The following PDZRN3 variants were observed in gnomAD, a reference collection of about 807,000 sequenced individuals.
PDZRN3 encodes the protein E3 ubiquitin-protein ligase PDZRN3.
A neutral mutation model predicts 85.7 loss-of-function variants in PDZRN3; 38 were observed. The ratio of observed to expected loss-of-function variants is 0.44; its 90% CI spans 0.34 to 0.58. The LOEUF (loss-of-function observed/expected upper bound fraction) is 0.58. Among genes scored for constraint, PDZRN3 ranks in the 20% least tolerant of loss-of-function variants. The pLI, the probability that PDZRN3 is intolerant of heterozygous loss-of-function variation, is 0.01. For missense variants in PDZRN3, 1,629 were observed against 1,506.4 expected, an observed-to-expected ratio of 1.08 and a Z score of -1.35; for synonymous variants, 759 against 638.0, an observed-to-expected ratio of 1.19 and a Z score of -2.86.
chr3:73,569,565 C>G (rs941557664), intron 3 of PDZRN3: 1 of 1,051,396 alleles, frequency 9.5e-7, no homozygotes, highest in African/African-American at 1.7e-5. Flanking sequence ...CCCACACCCG[C>G]ACACACATTG....
At chr3:73,500,733 C>T (rs1220183865) in intron 3 of PDZRN3, among the ~76,000 whole-genome samples, 2 of 152,142 alleles carry the variant, frequency 1.3e-5, no homozygotes, top group Non-Finnish European at 2.9e-5. Context: ...CTTTAAACCA[C>T]CTAAAAATTT....
intron 3 of PDZRN3, among the ~76,000 whole-genome samples, chr3:73,440,322 C>T (rs1191267669): frequency 6.6e-6 from 1 of 152,178 alleles, no homozygotes; most frequent in Non-Finnish European, 1.5e-5. Context: ...GCTCCAAATC[C>T]CACGCAGGCC....
chr3:73,575,616 A>G (rs1702111953), intron 3 of PDZRN3, among the ~76,000 whole-genome samples: 1 of 152,242 alleles, frequency 6.6e-6, no homozygotes, highest in Admixed American at 6.5e-5. Context: ...TGTGAACTTT[A>G]TCCAAGAAAG....
chr3:73,443,096 C>G (rs1377000162), intron 3 of PDZRN3, among the ~76,000 whole-genome samples: 1 of 152,220 alleles, frequency 6.6e-6, no homozygotes, highest in African/African-American at 2.4e-5. Context: ...CAGTGGGTGT[C>G]AGTGTCATGG....
At chr3:73,611,512 A>G (rs977646704) in intron 1 of PDZRN3, among the ~76,000 whole-genome samples, 1 of 152,352 alleles carries the variant, frequency 6.6e-6, no homozygotes, top group South Asian at 2.1e-4. Flanking sequence ...GATCTAGTCT[A>G]CTGTCCACAA....
At chr3:73,497,858 G>A (rs575398518) in intron 3 of PDZRN3, among the ~76,000 whole-genome samples, 40 of 150,640 alleles carry the variant, frequency 2.7e-4, no homozygotes, top group African/African-American at 9.4e-4. Context: ...ACAGGGGCAC[G>A]ACTCGAACCT....
chr3:73,427,303 T>G (rs1702335675), intron 3 of PDZRN3, among the ~76,000 whole-genome samples: 1 of 152,216 alleles, frequency 6.6e-6, no homozygotes, highest in Non-Finnish European at 1.5e-5. Flanking sequence ...TGCCAGAAAC[T>G]GGCTTTGTGG....
chr3:73,558,637 C>A (rs777276634), intron 3 of PDZRN3, among the ~76,000 whole-genome samples: 10 of 152,194 alleles, frequency 6.6e-5, no homozygotes, highest in Non-Finnish European at 1.2e-4. Flanking sequence ...CCCAGAGGAC[C>A]TGATAAGGAA....
At chr3:73,540,429 CTG>C (rs1559729250) in intron 3 of PDZRN3, among the ~76,000 whole-genome samples, 2 of 152,114 alleles carry the variant, frequency 1.3e-5, no homozygotes, top group African/African-American at 4.8e-5. Flanking sequence ...TATAAAATGA[CTG>C]TTACGGTTTG....
At chr3:73,427,618 C>G (rs897517617) in intron 3 of PDZRN3, among the ~76,000 whole-genome samples, 5 of 152,244 alleles carry the variant, frequency 3.3e-5, no homozygotes, top group African/African-American at 1.2e-4. Context: ...CCCGTACCAT[C>G]TGCCTCATGG....
Position 73,384,004 on chromosome 3 carries a change from C to T in PDZRN3, c.2562G>A (p.Lys854=). ...DGSRSPTPSQ[K]LGSAYLPSYH... is the part of the protein sequence containing the mutation. ...AGGAGGGCAGGTAGGCGCTGCCCAG[C>T]TTCTGGCTGGGCGTGGGGCTCCGGC... The change falls in exon 10 of 10, where the codon AAG becomes AAA. Residue 854 remains lysine, a synonymous_variant. Transcript: ENST00000263666. The T allele has an allele frequency of 6.3e-7, 1 of 1,589,792 alleles. No individual in the cohort carries two copies.
Position 73,624,902 on chromosome 3 carries a change from C to A in PDZRN3, c.-77G>T, listed in dbSNP as rs1047572682. On this transcript the variant is annotated 5_prime_UTR_variant, in exon 1 of 10. Coordinates refer to ENST00000263666, the MANE Select transcript of PDZRN3 (RefSeq NM_015009.3). ...TCCCCACGAGGCGGCCCAGACAGGC[C>A]GGCTACGCCGCCCGCGCGCTCGCTG... The A allele has an allele frequency of 1.8e-6, 2 of 1,122,618 alleles. No homozygotes were observed. The highest frequency in any genetic ancestry group is 2.3e-6 in the Non-Finnish European group (2 of 887,140). 69.5% of individuals were successfully genotyped at this position (1,122,618 alleles called of 1,614,324 possible).
At chr3:73,449,889 T>C (rs940793112) in intron 3 of PDZRN3, among the ~76,000 whole-genome samples, 9 of 152,120 alleles carry the variant, frequency 5.9e-5, no homozygotes, top group African/African-American at 2.2e-4. Context: ...GATGAGGCAA[T>C]TGACTTAAAA....
chr3:73,383,195 T>G lies in PDZRN3; in HGVS notation c.*170A>C. ...GATAGTAAGGGTGTTTTTCTCTCTC[T>G]TCCCTTAAAATAGACCTATGACACC... On this transcript the variant is annotated 3_prime_UTR_variant, in exon 10 of 10. Coordinates refer to ENST00000263666, the MANE Select transcript of PDZRN3 (RefSeq NM_015009.3). 3 of 570,576 alleles carry G rather than the reference T, an allele frequency of 5.3e-6. No individual in the cohort carries two copies. Among genetic ancestry groups the G allele is most frequent in the Non-Finnish European group, 9.0e-6 (3 of 331,684 alleles). The allele number at this position is 570,576 out of a possible 1,614,324, so 35.3% of individuals were successfully genotyped here. A position where few individuals can be genotyped will look rare whatever the true frequency, so the allele number is the denominator to read the frequency against.
rs1429350202 is a variant in PDZRN3, at chr3:73,624,351, C to G, written c.475G>C (p.Gly159Arg). ...PLTHGEQRAG[G>R]HCCARALRAH... is the part of the protein sequence containing the mutation. ...CGCAGCGCTCGCGCGCAGCAGTGGC[C>G]GCCCGCGCGCTGCTCGCCGTGCGTC... The change falls in exon 1 of 10, where the codon GGC becomes CGC. Residue 159 changes from glycine to arginine, a missense_variant. Coordinates refer to ENST00000263666, the MANE Select transcript of PDZRN3 (RefSeq NM_015009.3). 2.6e-5 allele frequency: 34 copies of G among 1,298,312 alleles called. No individual in the cohort carries two copies. Among genetic ancestry groups the G allele is most frequent in the Admixed American group, 8.3e-5 (2 of 24,074 alleles). 80.4% of individuals were successfully genotyped at this position (1,298,312 alleles called of 1,614,324 possible).
At chr3:73,443,860 C>T (rs1197963106) in intron 3 of PDZRN3, among the ~76,000 whole-genome samples, 1 of 152,012 alleles carries the variant, frequency 6.6e-6, no homozygotes, top group Non-Finnish European at 1.5e-5. Flanking sequence ...AATCTAATCC[C>T]CACTGTAAAT....
intron 3 of PDZRN3, among the ~76,000 whole-genome samples, chr3:73,597,532 A>G (rs1054604589): frequency 6.6e-6 from 1 of 152,180 alleles, no homozygotes; most frequent in African/African-American, 2.4e-5. Context: ...AGCTCAAAGC[A>G]GAACAGCGTT....
At position 73,598,681 on chromosome 3, in the gene PDZRN3, C is replaced by A. The variant is rs375202076; in HGVS notation, c.918+3673G>T. On this transcript the variant is annotated intron_variant, in intron 3 of 9. Transcript: ENST00000263666. ...ATCTAAGGGGGCCCCAGATTCCCAG[C>A]CACAGCCCCAGGACAGGCCAGCTCA... Among the ~76,000 whole-genome samples, 138 of 152,308 alleles carry A rather than the reference C, an allele frequency of 9.1e-4. No individual in the cohort carries two copies. The South Asian group carries it at 0.011, about 12-fold the overall frequency.
At chr3:73,546,615 A>G (rs1701429009) in intron 3 of PDZRN3, among the ~76,000 whole-genome samples, 1 of 152,232 alleles carries the variant, frequency 6.6e-6, no homozygotes, top group Non-Finnish European at 1.5e-5. Flanking sequence ...GTTCTGCAAT[A>G]CGTAATTCAG....
Sources: gnomAD v4.1 joint callset for allele counts (sites outside exome capture counted in the v4.1 genomes callset) on GRCh38, gnomAD v4.1.1 for gene constraint, MANE v1.5 for transcripts, NCBI Gene and HGNC (gene_info 2026-07-23, HGNC 2026-07-21) for gene names.